PTER: variants seen among roughly 807,000 people sequenced by gnomAD.
PTER encodes phosphotriesterase related.
A neutral mutation model predicts 29.6 loss-of-function variants in PTER; 38 were observed. That is an observed-to-expected ratio of 1.28 (90% CI 0.99 to 1.68). PTER has a LOEUF of 1.68. PTER is among the 40% of genes most tolerant of loss of function. PTER has a pLI of 0.00. For synonymous variants in PTER, 172 were observed against 154.5 expected (o/e 1.11, Z -0.84); for missense variants, 482 against 427.8 (o/e 1.13, Z -1.12).
chr10:16,484,374 T>A lies in PTER; in HGVS notation c.-11T>A. ...CTCTTTTTAGAACATCTCTTGGTGG[T>A]ACCATCAGAAATGTCTTCCTTAAGT... On this transcript the variant is annotated 5_prime_UTR_variant, in exon 2 of 5. Transcript: ENST00000535784. 6.4e-7 allele frequency: 1 copy of A among 1,564,210 alleles called. No homozygotes were observed. The highest frequency in any genetic ancestry group is 8.6e-7 in the Non-Finnish European group (1 of 1,160,910).
chr10:16,482,733 A>G (rs913657874), intron 1 of PTER, among the ~76,000 whole-genome samples: 1 of 151,916 alleles, frequency 6.6e-6, no homozygotes, highest in African/African-American at 2.4e-5. Context: ...TGTCCTCACT[A>G]TTTTCAGTAG....
chr10:16,473,246 C>T (rs1284288716), intron 1 of PTER, among the ~76,000 whole-genome samples: 1 of 151,968 alleles, frequency 6.6e-6, no homozygotes, highest in Admixed American at 6.6e-5. Flanking sequence ...GCCCACCCCA[C>T]CTCTAACCTG....
At chr10:16,466,559 T>C (rs891703647) in intron 1 of PTER, among the ~76,000 whole-genome samples, 1 of 152,224 alleles carries the variant, frequency 6.6e-6, no homozygotes, top group African/African-American at 2.4e-5. Context: ...TCTTGCCATG[T>C]TGGCCAGGCT....
At chr10:16,515,806 T>G (rs1057272635), downstream of PTER, among the ~76,000 whole-genome samples, 5 of 152,196 alleles carry the variant, frequency 3.3e-5, no homozygotes, top group Non-Finnish European at 7.4e-5. Context: ...CTTGTTTCAT[T>G]TCTATTCCAC....
At chr10:16,455,939 G>A (rs1026282859) in intron 1 of PTER, among the ~76,000 whole-genome samples, 1 of 152,116 alleles carries the variant, frequency 6.6e-6, no homozygotes, top group Admixed American at 6.5e-5. Flanking sequence ...TTTAAAAAGT[G>A]TTATTACTTT....
At chr10:16,466,412 G>T (rs78283581) in intron 1 of PTER, among the ~76,000 whole-genome samples, 7,061 of 152,106 alleles carry the variant, frequency 0.046, 265 homozygotes, top group East Asian at 0.17. Flanking sequence ...TTGCAGTGCA[G>T]TGGCACCATC....
chr10:16,470,034 A>G (rs1834989207), intron 1 of PTER, among the ~76,000 whole-genome samples: 1 of 152,238 alleles, frequency 6.6e-6, no homozygotes, highest in East Asian at 1.9e-4. Context: ...GTTGCTATCT[A>G]TTGTTATTGT....
In PTER at chr10:16,513,347, T is replaced by G. The variant is rs1673275611; in HGVS notation, c.*2091T>G. 6.6e-6 allele frequency: 1 copy of G among 152,500 alleles called. No homozygotes were observed. Among genetic ancestry groups the G allele is most frequent in the Non-Finnish European group, 1.5e-5 (1 of 67,972 alleles). 9.4% of individuals were successfully genotyped at this position (152,500 alleles called of 1,614,324 possible). A position where few individuals can be genotyped will look rare whatever the true frequency, so the allele number is the denominator to read the frequency against. On this transcript the variant is annotated 3_prime_UTR_variant, in exon 5 of 5. Coordinates refer to ENST00000535784, the MANE Select transcript of PTER (RefSeq NM_001261836.2). ...TATATATGCATACACTTTTTTATAT[T>G]AAAATTTTGAGGCTATACAGCCACT...
intron 1 of PTER, among the ~76,000 whole-genome samples, chr10:16,453,028 G>C (rs1834270317): frequency 6.6e-6 from 1 of 152,166 alleles, no homozygotes; most frequent in African/African-American, 2.4e-5. Flanking sequence ...GGGATTACAG[G>C]CGTGAGCCAC....
chr10:16,503,915 G>C (rs754074672), intron 3 of PTER, among the ~76,000 whole-genome samples: 1 of 152,152 alleles, frequency 6.6e-6, no homozygotes, highest in Non-Finnish European at 1.5e-5. Flanking sequence ...ATAAGACAAT[G>C]ACTGTCTAAT....
At chr10:16,468,800 C>T (rs1834938968) in intron 1 of PTER, among the ~76,000 whole-genome samples, 3 of 93,252 alleles carry the variant, frequency 3.2e-5, no homozygotes. Flanking sequence ...ACAGGGAGAC[C>T]CCTTTCTCTA....
At chr10:16,501,949 C>G (rs1299986012) in intron 3 of PTER, among the ~76,000 whole-genome samples, 3 of 152,192 alleles carry the variant, frequency 2.0e-5, no homozygotes, top group African/African-American at 7.2e-5. Context: ...AGTAAGTTCT[C>G]ATAATTGTCA....
At chr10:16,455,844 G>A (rs1207601559) in intron 1 of PTER, among the ~76,000 whole-genome samples, 1 of 152,210 alleles carries the variant, frequency 6.6e-6, no homozygotes, top group Non-Finnish European at 1.5e-5. Flanking sequence ...TTTGTAATAG[G>A]TTTATACTGG....
At chr10:16,459,569 A>G (rs1325048300) in intron 1 of PTER, among the ~76,000 whole-genome samples, 1 of 152,202 alleles carries the variant, frequency 6.6e-6, no homozygotes, top group African/African-American at 2.4e-5. Flanking sequence ...ACACCCCTGC[A>G]TCTGCTAGTT....
At chr10:16,504,058 C>A (rs192129440) in intron 3 of PTER, among the ~76,000 whole-genome samples, 1 of 152,142 alleles carries the variant, frequency 6.6e-6, no homozygotes, top group Non-Finnish European at 1.5e-5. Flanking sequence ...TGTCTTCCTT[C>A]CCTTCATGAA....
intron 1 of PTER, among the ~76,000 whole-genome samples, chr10:16,460,982 G>T (rs775935878): frequency 4.6e-5 from 7 of 152,132 alleles, no homozygotes; most frequent in Non-Finnish European, 7.3e-5. Flanking sequence ...CTCCCAAAGT[G>T]CTGGGATTAT....
chr10:16,488,475 G>T (rs2133458972), intron 3 of PTER, among the ~76,000 whole-genome samples: 1 of 152,164 alleles, frequency 6.6e-6, no homozygotes, highest in Middle Eastern at 3.4e-3. Context: ...AAATGTTTTA[G>T]ATTCTTAAAA....
intron 1 of PTER, chr10:16,437,333 G>C (rs1238298957): frequency 9.7e-6 from 1 of 102,630 alleles, no homozygotes; most frequent in Non-Finnish European, 1.8e-5. Flanking sequence ...CCTTTAATAA[G>C]CTTTTTTTTT....
rs1835636533 is a variant in PTER at position 16,484,950 on chromosome 10, G to A, written c.432+134G>A. On this transcript the variant is annotated intron_variant, in intron 2 of 4. Transcript: ENST00000535784. ...AGCTAGCAAAGACATCTGCCAGTTG[G>A]GGCCCCAGTTAGTAACACTGTATTT... The A allele has an allele frequency of 1.8e-5, 18 of 994,326 alleles. No homozygotes were observed. The South Asian group carries it at 3.5e-4, about 20-fold the overall frequency. The allele number at this position is 994,326 out of a possible 1,614,324, so 61.6% of individuals were successfully genotyped here. A position where few individuals can be genotyped will look rare whatever the true frequency, so the allele number is the denominator to read the frequency against.
Sources: allele counts gnomAD v4.1 joint callset (sites outside exome capture counted in the v4.1 genomes callset), GRCh38; gene constraint gnomAD v4.1.1; transcripts MANE v1.5; gene names NCBI Gene and HGNC (gene_info 2026-07-23, HGNC 2026-07-21).